The following TP53TG5 variants were observed in gnomAD, a reference collection of about 807,000 sequenced individuals.
The protein encoded by TP53TG5 is TP53 target 5.
A neutral mutation model predicts 30.0 loss-of-function variants in TP53TG5; 17 were observed. The observed-to-expected ratio is 0.57, with a 90% CI of 0.39 to 0.85. TP53TG5 has a LOEUF of 0.85. Among genes scored for constraint, TP53TG5 ranks in the 40% least tolerant of loss-of-function variants. The probability of loss-of-function intolerance (pLI) is 0.00; values close to 1 mark genes in which losing one functional copy is unlikely to be tolerated. For synonymous variants in TP53TG5, 137 were observed against 139.2 expected (o/e 0.98, Z 0.11); for missense variants, 338 against 367.9 (o/e 0.92, Z 0.67).
intron 2 of TP53TG5, 48 bp downstream of exon 2, chr20:45,377,491 A>G (rs370221116): frequency 4.3e-6 from 7 of 1,611,524 alleles, no homozygotes; most frequent in Non-Finnish European, 5.1e-6. Flanking sequence ...GCAGTACTGC[A>G]TGAGTATATG....
At position 45,378,170 on chromosome 20, in the gene TP53TG5, G is replaced by T; in HGVS notation, c.48+19C>A. ...TCCCCTCTAGGGACTCACCCCCAGGGTCTAGTCCCAAGTCTGACCTTGGAA... is the reference window on the plus strand; with the variant it reads ...TCCCCTCTAGGGACTCACCCCCAGGTTCTAGTCCCAAGTCTGACCTTGGAA... On this transcript the variant is annotated intron_variant, in intron 1 of 4. Coordinates refer to ENST00000372726, the MANE Select transcript of TP53TG5 (RefSeq NM_014477.3). The T allele has an allele frequency of 6.2e-7, 1 of 1,614,038 alleles. No individual in the cohort carries two copies.
In TP53TG5 at chr20:45,378,276, C is replaced by A. The variant is rs1383325920; in HGVS notation, c.-40G>T. 1 of 1,613,418 alleles carries A rather than the reference C, an allele frequency of 6.2e-7. No individual in the cohort carries two copies. The highest frequency in any genetic ancestry group is 8.5e-7 in the Non-Finnish European group (1 of 1,179,830). Reference sequence around the variant, plus strand: ...ACCTCAGAGATGAATGGAGCAACACCAGTGCCAGGCACCAACCCTGTTCCT... The same window carrying A: ...ACCTCAGAGATGAATGGAGCAACACAAGTGCCAGGCACCAACCCTGTTCCT... On this transcript the variant is annotated 5_prime_UTR_variant, in exon 1 of 5. Transcript: ENST00000372726.
chr20:45,376,960 T>C (rs1950633632), intron 3 of TP53TG5, among the ~76,000 whole-genome samples: 1 of 152,198 alleles, frequency 6.6e-6, no homozygotes, highest in South Asian at 2.1e-4. Flanking sequence ...ACCATTGTTA[T>C]GGCCACAGCT....
chr20:45,377,850 G>A (rs138868667), intron 1 of TP53TG5, among the ~76,000 whole-genome samples: 1,601 of 152,284 alleles, frequency 0.011, 29 homozygotes, highest in African/African-American at 0.036. Flanking sequence ...GGTGAGGCAG[G>A]AGAATCACTT....
intron 2 of TP53TG5, 27 bp downstream of exon 2, chr20:45,377,512 A>G (rs1474742832): frequency 1.2e-6 from 2 of 1,613,442 alleles, no homozygotes; most frequent in Admixed American, 1.7e-5. Context: ...AGCTTCCCCA[A>G]GCTGGGGCCA....
rs879082371 is a variant in TP53TG5 at position 45,377,558 on chromosome 20, T to C, written c.104A>G (p.Glu35Gly). The change falls in exon 2 of 5, where the codon GAG (glutamate) becomes GGG (glycine). Residue 35 changes from glutamate (E) to glycine (G), a missense_variant. By Grantham distance (98) the Glu-to-Gly change is moderately conservative. Transcript: ENST00000372726. The part of the protein sequence containing the change: ...ETEQPVSKVI[E>G]RNRLRTVLKN... The stretch of plus-strand genomic sequence containing the variant: ...TCTCACCGTTCTCAGACGGTTCCGC[T>C]CAATTACTTTGCTCACAGGCTGCTC... 7 of 1,614,106 alleles carry C rather than the reference T, an allele frequency of 4.3e-6. No homozygotes were observed. The highest frequency in any genetic ancestry group is 4.5e-5 in the East Asian group (2 of 44,874).
In TP53TG5 at chr20:45,373,663, C is replaced by G. The variant is rs1382531646; in HGVS notation, c.*244G>C. 1.8e-6 allele frequency: 1 copy of G among 555,178 alleles called. No individual in the cohort carries two copies. The highest frequency in any genetic ancestry group is 1.9e-5 in the African/African-American group (1 of 53,256). 34.4% of individuals were successfully genotyped at this position (555,178 alleles called of 1,614,324 possible). ...TGAGGCACTTTGCACCCAGGAAGCA[C>G]ACGAGCGCCCTGACTTCACAGAGCG... On this transcript the variant is annotated 3_prime_UTR_variant, in exon 5 of 5. Transcript: ENST00000372726.
intron 4 of TP53TG5, chr20:45,374,549 G>A: frequency 1.9e-6 from 1 of 514,108 alleles, no homozygotes; most frequent in Non-Finnish European, 3.4e-6. Context: ...TGGGATTACA[G>A]GCGTGAGCCA....
rs971244606 is a variant in TP53TG5 at position 45,373,606 on chromosome 20, C to T, written c.*301G>A. 4.8e-6 allele frequency: 2 copies of T among 416,646 alleles called. No homozygotes were observed. Among genetic ancestry groups the T allele is most frequent in the African/African-American group, 3.9e-5 (2 of 50,748 alleles). 25.8% of individuals were successfully genotyped at this position (416,646 alleles called of 1,614,324 possible). A position where few individuals can be genotyped will look rare whatever the true frequency, so the allele number is the denominator to read the frequency against. ...CAAGTTACTTGCTGCCTCCGCGCCGCGGTTTCCTCTTGCGAGCTCGCGGGG... is the reference window on the plus strand; with the variant it reads ...CAAGTTACTTGCTGCCTCCGCGCCGTGGTTTCCTCTTGCGAGCTCGCGGGG... On this transcript the variant is annotated 3_prime_UTR_variant, in exon 5 of 5. Transcript: ENST00000372726.
chr20:45,378,166 C>T (rs372973076), intron 1 of TP53TG5, 23 bp downstream of exon 1: 6 of 1,614,028 alleles, frequency 3.7e-6, no homozygotes, highest in East Asian at 2.2e-5. Context: ...GACTCACCCC[C>T]AGGGTCTAGT....
intron 4 of TP53TG5, chr20:45,374,278 T>G (rs748488764): frequency 2.9e-6 from 2 of 698,096 alleles, no homozygotes; most frequent in South Asian, 3.0e-5. Context: ...CTTTTTTTCC[T>G]TTCTTTTTTT....
intron 3 of TP53TG5, 150 bp downstream of exon 3, chr20:45,377,062 T>C: frequency 9.9e-7 from 1 of 1,012,710 alleles, no homozygotes; most frequent in South Asian, 1.7e-5. Context: ...CTCTTCAGCC[T>C]CAGCTCTCCA....
rs1988791708 is a variant in TP53TG5, at chr20:45,378,287, A to G, written c.-51T>C. The G allele has an allele frequency of 6.2e-7, 1 of 1,612,978 alleles. No individual in the cohort carries two copies. The highest frequency in any genetic ancestry group is 8.5e-7 in the Non-Finnish European group (1 of 1,179,702). Reference sequence around the variant, plus strand: ...GAATGGAGCAACACCAGTGCCAGGCACCAACCCTGTTCCTCTCAGTTCAGC... The same window carrying G: ...GAATGGAGCAACACCAGTGCCAGGCGCCAACCCTGTTCCTCTCAGTTCAGC... On this transcript the variant is annotated 5_prime_UTR_variant, in exon 1 of 5. Coordinates refer to ENST00000372726, the MANE Select transcript of TP53TG5 (RefSeq NM_014477.3).
At position 45,375,278 on chromosome 20, in the gene TP53TG5, G is replaced by T. The variant is rs755672659; in HGVS notation, c.529C>A (p.Pro177Thr). ...ATGACTCGGGGGCCCTCGGTGAGTG[G>T]TTGCCTCCCCTGGACTCCAGGGTTC... ...SLNPGVQGRQPLTEGPRVIFI... is the reference protein window; with the variant it reads ...SLNPGVQGRQTLTEGPRVIFI... The change falls in exon 4 of 5, where the codon CCA becomes ACA. Residue 177 changes from proline to threonine, a missense_variant. Coordinates refer to ENST00000372726, the MANE Select transcript of TP53TG5 (RefSeq NM_014477.3). 6.2e-7 allele frequency: 1 copy of T among 1,614,144 alleles called. No homozygotes were observed. Among genetic ancestry groups the T allele is most frequent in the South Asian group, 1.1e-5 (1 of 91,084 alleles).
At position 45,377,322 on chromosome 20, in the gene TP53TG5, G is replaced by C; in HGVS notation, c.144C>G (p.Leu48=). 1 of 1,614,146 alleles carries C rather than the reference G, an allele frequency of 6.2e-7. No homozygotes were observed. Among genetic ancestry groups the C allele is most frequent in the Non-Finnish European group, 8.5e-7 (1 of 1,180,042 alleles). ...GGTTTGAGCTCTTGAGTAGCTTCAA[G>C]AGCGACAAGTTTTTTAACACCTGCC... is the stretch of plus-strand genomic sequence containing the variant. ...RLRTVLKNLS[L]LKLLKSSNRR... The change falls in exon 3 of 5, where the codon CTC becomes CTG. Residue 48 remains leucine (L), a synonymous_variant. Transcript: ENST00000372726.
chr20:45,374,378 C>A, intron 4 of TP53TG5: 2 of 633,672 alleles, frequency 3.2e-6, no homozygotes, highest in South Asian at 1.8e-5. Context: ...CTTAAGCGAT[C>A]CTCCGACCTC....
Position 45,377,590 on chromosome 20 carries a change from G to A in TP53TG5, c.72C>T (p.Asp24=), listed in dbSNP as rs140358325. The part of the protein sequence containing the change: ...VSKMQDEKLR[D]ETEQPVSKVI... The stretch of plus-strand genomic sequence containing the variant: ...CTTTGCTCACAGGCTGCTCTGTCTC[G>A]TCCCGCAGTTTCTCATCTTGCATCT... The change falls in exon 2 of 5, where the codon GAC becomes GAT. Residue 24 remains aspartate (D), a synonymous_variant. Transcript: ENST00000372726. 1.1e-5 allele frequency: 17 copies of A among 1,613,896 alleles called. No individual in the cohort carries two copies. The highest frequency in any genetic ancestry group is 4.0e-5 in the African/African-American group (3 of 74,908).
chr20:45,375,908 G>A, intron 3 of TP53TG5: 1 of 221,810 alleles, frequency 4.5e-6, no homozygotes, highest in Non-Finnish European at 8.9e-6. Context: ...AGGGTTCTGA[G>A]GAGGTGTCTC....
chr20:45,378,083 CT>C lies in TP53TG5; in HGVS notation c.48+105del, dbSNP rs1225470751. 1.2e-5 allele frequency: 18 copies of C among 1,511,388 alleles called. No individual in the cohort carries two copies. In the African/African-American group the frequency reaches 1.7e-4, roughly 14 times the overall value. 93.6% of individuals were successfully genotyped at this position (1,511,388 alleles called of 1,614,324 possible). ...CTCCTGACCTCCCTTCACCCTTCAC[CT>C]TTTCCTTTTCTCCCATGCTGGAAAG... On this transcript the variant is annotated intron_variant, in intron 1 of 4. Transcript: ENST00000372726.
Sources: allele counts gnomAD v4.1 joint callset (sites outside exome capture counted in the v4.1 genomes callset), GRCh38; gene constraint gnomAD v4.1.1; transcripts MANE v1.5; gene names NCBI Gene and HGNC (gene_info 2026-07-23, HGNC 2026-07-21).